AUTS2: variants seen among roughly 807,000 people sequenced by gnomAD.
The protein encoded by AUTS2 is activator of transcription and developmental regulator AUTS2.
In AUTS2, 17 loss-of-function variants were observed where a neutral mutation model predicts 112.4. The ratio of observed to expected loss-of-function variants is 0.15; its 90% CI spans 0.10 to 0.23. AUTS2 has a LOEUF of 0.23. Ranked by LOEUF, AUTS2 falls within the 10% of genes least tolerant of loss-of-function variation. AUTS2 has a pLI of 1.00. For missense variants in AUTS2, 1,510 were observed against 1,701.6 expected, an observed-to-expected ratio of 0.89 and a Z score of 1.98; for synonymous variants, 751 against 702.7, an observed-to-expected ratio of 1.07 and a Z score of -1.09.
intron 5 of AUTS2, among the ~76,000 whole-genome samples, chr7:70,555,305 A>G (rs1363575053): frequency 6.6e-6 from 1 of 152,218 alleles, no homozygotes; most frequent in African/African-American, 2.4e-5. Context: ...TTAAAAGATA[A>G]AATTTGAAAA....
At chr7:70,043,592 CCTTCCTTCCTT>C (rs1256880572) in intron 2 of AUTS2, among the ~76,000 whole-genome samples, 1 of 76,666 alleles carries the variant, frequency 1.3e-5, no homozygotes, top group African/African-American at 5.1e-5. Flanking sequence ...TTCCTTCCTT[CCTTCCTTCCTT>C]CCTTTTTTTT....
At chr7:70,080,280 C>A (rs1376184227) in intron 2 of AUTS2, among the ~76,000 whole-genome samples, 1 of 152,198 alleles carries the variant, frequency 6.6e-6, no homozygotes, top group East Asian at 1.9e-4. Context: ...TATTTTGAAA[C>A]TGTTTCCAAC....
At chr7:70,262,523 T>C (rs1033406152) in intron 4 of AUTS2, among the ~76,000 whole-genome samples, 9 of 152,350 alleles carry the variant, frequency 5.9e-5, no homozygotes, top group Admixed American at 5.9e-4. Flanking sequence ...TTGTTTTATA[T>C]ATCAAAGTAA....
intron 1 of AUTS2, among the ~76,000 whole-genome samples, chr7:69,822,469 T>A (rs1791041943): frequency 6.6e-6 from 1 of 152,164 alleles, no homozygotes; most frequent in Non-Finnish European, 1.5e-5. Flanking sequence ...GCAAAAGATT[T>A]GATTCAAGCC....
In AUTS2 at chr7:69,599,720, G is replaced by A; in HGVS notation, c.67G>A (p.Glu23Lys). The change falls in exon 1 of 19, where the codon GAG becomes AAG. Residue 23 changes from glutamate (E) to lysine (K), a missense_variant. Transcript: ENST00000342771. This position sits in a 1 kb window ranked among gnomAD's most constrained non-coding sequence, Gnocchi z 7.0. ...GCGGTCGCGGTCGCAGCGAGACCGG[G>A]AGAGGCGCTCCCGGGGCGGGCTGGG... ...KRRSRSQRDR[E>K]RRSRGGLGAG... 7.5e-7 allele frequency: 1 copy of A among 1,326,360 alleles called. No homozygotes were observed. Among genetic ancestry groups the A allele is most frequent in the Non-Finnish European group, 9.6e-7 (1 of 1,043,594 alleles). 82.2% of individuals were successfully genotyped at this position (1,326,360 alleles called of 1,614,324 possible).
chr7:69,723,183 T>A (rs1349933609), intron 1 of AUTS2, among the ~76,000 whole-genome samples: 1 of 152,090 alleles, frequency 6.6e-6, no homozygotes, highest in Non-Finnish European at 1.5e-5. Flanking sequence ...ACTCTCCCAC[T>A]TTAGCCTTGA....
At chr7:70,673,933 A>T (rs373879640) in intron 5 of AUTS2, among the ~76,000 whole-genome samples, 2 of 152,226 alleles carry the variant, frequency 1.3e-5, no homozygotes, top group South Asian at 4.1e-4. Context: ...TTTAGAGCTA[A>T]TAGATGCCAT....
chr7:70,257,437 C>T (rs1293912871), intron 4 of AUTS2, among the ~76,000 whole-genome samples: 2 of 152,132 alleles, frequency 1.3e-5, no homozygotes, highest in African/African-American at 4.8e-5. Flanking sequence ...CCCACCTAAG[C>T]CTTCTTAGTA....
At chr7:70,178,167 T>C (rs1010014078) in intron 4 of AUTS2, among the ~76,000 whole-genome samples, 2 of 152,186 alleles carry the variant, frequency 1.3e-5, no homozygotes, top group African/African-American at 4.8e-5. Context: ...GCTTTGAGTT[T>C]GGGACCCCTA....
chr7:69,924,184 A>G (rs906274038), intron 2 of AUTS2, among the ~76,000 whole-genome samples: 72 of 151,794 alleles, frequency 4.7e-4, no homozygotes, highest in African/African-American at 1.7e-3. Context: ...TTTTTTGTCT[A>G]TCAAGATGAT....
At chr7:70,319,912 A>G (rs968637902) in intron 4 of AUTS2, among the ~76,000 whole-genome samples, 1 of 152,228 alleles carries the variant, frequency 6.6e-6, no homozygotes, top group Non-Finnish European at 1.5e-5. Context: ...GAATGAATGA[A>G]TGAGTGAATG....
intron 4 of AUTS2, among the ~76,000 whole-genome samples, chr7:70,265,190 A>T (rs1716430275): frequency 6.6e-6 from 1 of 152,202 alleles, no homozygotes; most frequent in Non-Finnish European, 1.5e-5. Context: ...CCTCGCTGCT[A>T]ATTCTTATAG....
intron 4 of AUTS2, among the ~76,000 whole-genome samples, chr7:70,241,284 AAC>A (rs1328259163): frequency 6.6e-6 from 1 of 152,222 alleles, no homozygotes; most frequent in Non-Finnish European, 1.5e-5. Context: ...TGGGAAAAAT[AAC>A]ACAAATCGTT....
intron 5 of AUTS2, among the ~76,000 whole-genome samples, chr7:70,687,496 G>T (rs992443392): frequency 6.6e-6 from 1 of 152,062 alleles, no homozygotes; most frequent in African/African-American, 2.4e-5. Context: ...TTTCCCCTTT[G>T]TAGTTTATAG....
intron 2 of AUTS2, among the ~76,000 whole-genome samples, chr7:69,996,946 TAAA>T (rs1161825217): frequency 1.0e-5 from 1 of 99,026 alleles, no homozygotes; most frequent in Non-Finnish European, 2.0e-5. Context: ...CTGGAACACT[TAAA>T]AAAAAAAAAA....
intron 6 of AUTS2, among the ~76,000 whole-genome samples, chr7:70,731,153 C>G (rs1378046013): frequency 6.6e-6 from 1 of 152,060 alleles, no homozygotes; most frequent in African/African-American, 2.4e-5. Context: ...GACCTTTACT[C>G]TTAAAATGAT....
At chr7:70,050,429 T>C (rs1801700876) in intron 2 of AUTS2, among the ~76,000 whole-genome samples, 1 of 151,282 alleles carries the variant, frequency 6.6e-6, no homozygotes, top group Non-Finnish European at 1.5e-5. Flanking sequence ...AGAAAGGAGT[T>C]TCATGGTCTT....
At chr7:69,711,715 G>T (rs894410092) in intron 1 of AUTS2, among the ~76,000 whole-genome samples, 1 of 152,024 alleles carries the variant, frequency 6.6e-6, no homozygotes, top group Non-Finnish European at 1.5e-5. Context: ...TTATTAGCTC[G>T]ATTCCTTACA....
At chr7:69,818,438 T>C (rs1790852234) in intron 1 of AUTS2, among the ~76,000 whole-genome samples, 1 of 152,238 alleles carries the variant, frequency 6.6e-6, no homozygotes, top group Admixed American at 6.5e-5. Flanking sequence ...TGCATGTACA[T>C]GTCAGTTTAT....
Sources: allele counts gnomAD v4.1 joint callset (sites outside exome capture counted in the v4.1 genomes callset), GRCh38; gene constraint gnomAD v4.1.1; non-coding constraint Gnocchi (gnomAD v3.1); transcripts MANE v1.5; gene names NCBI Gene and HGNC (gene_info 2026-07-23, HGNC 2026-07-21).